The following MCTP2 variants were observed in gnomAD, a reference collection of about 807,000 sequenced individuals.
MCTP2 encodes the protein multiple C2 and transmembrane domain-containing protein 2.
MCTP2 carries 132 observed loss-of-function variants against 111.6 expected under a neutral mutation model. That is an observed-to-expected ratio of 1.18 (90% CI 1.03 to 1.37). The LOEUF (loss-of-function observed/expected upper bound fraction) is 1.37, where lower values mean the gene tolerates loss of function less well. Ranked by LOEUF, MCTP2 falls within the 40% of genes most tolerant of loss-of-function variation. MCTP2 has a pLI of 0.00. For synonymous variants in MCTP2, 395 were observed against 387.7 expected (o/e 1.02, Z -0.22); for missense variants, 1,183 against 1,067.9 (o/e 1.11, Z -1.50).
rs138053633 is a variant in MCTP2 at position 94,233,575 on chromosome 15, T to C, written c.-66+1911T>C. On this transcript the variant is annotated intron_variant, in intron 1 of 22. Coordinates refer to ENST00000357742, the MANE Select transcript of MCTP2 (RefSeq NM_001385001.1). ...CTCTTGTCACCTGGAAAGGACTTTG[T>C]GTTTGTGTAAACCTGTGCTCACACA... Among the ~76,000 whole-genome samples the C allele has an allele frequency of 1.6e-4, 25 of 152,292 alleles. No homozygotes were observed. In the East Asian group the frequency reaches 4.8e-3, roughly 29 times the overall value.
intron 2 of MCTP2, among the ~76,000 whole-genome samples, chr15:94,302,830 A>G (rs1047114520): frequency 7.9e-5 from 12 of 152,018 alleles, no homozygotes; most frequent in African/African-American, 2.4e-4. Flanking sequence ...TACCTATCAT[A>G]TTAGTCCATT....
intron 17 of MCTP2, among the ~76,000 whole-genome samples, chr15:94,429,004 C>G (rs1488391499): frequency 1.3e-5 from 2 of 152,198 alleles, no homozygotes; most frequent in East Asian, 1.9e-4. Context: ...CTCTTCTAGA[C>G]AATTTCATAA....
chr15:94,315,731 C>G (rs780700713), intron 4 of MCTP2, 94 bp downstream of exon 4: 11 of 902,048 alleles, frequency 1.2e-5, no homozygotes, highest in Non-Finnish European at 1.4e-5. Context: ...GACATCACAG[C>G]ATGGTTTAGG....
At chr15:94,257,030 C>T (rs1403210673) in intron 1 of MCTP2, among the ~76,000 whole-genome samples, 1 of 152,174 alleles carries the variant, frequency 6.6e-6, no homozygotes, top group Non-Finnish European at 1.5e-5. Flanking sequence ...TGCTGGCCCT[C>T]ATCCCTTCTC....
intron 17 of MCTP2, among the ~76,000 whole-genome samples, chr15:94,409,261 C>T (rs766090528): frequency 1.3e-5 from 2 of 152,122 alleles, no homozygotes; most frequent in Non-Finnish European, 2.9e-5. Flanking sequence ...CTGGTTGCCT[C>T]CTGCCCTTGA....
chr15:94,264,478 G>A (rs1385796010), intron 1 of MCTP2, among the ~76,000 whole-genome samples: 3 of 152,064 alleles, frequency 2.0e-5, no homozygotes, highest in South Asian at 2.1e-4. Flanking sequence ...GCATGGTGGC[G>A]GGCACCTGTA....
intron 19 of MCTP2, among the ~76,000 whole-genome samples, chr15:94,450,200 A>G (rs1187350002): frequency 2.0e-5 from 3 of 152,238 alleles, no homozygotes; most frequent in African/African-American, 7.2e-5. Context: ...TAGAAATGAT[A>G]TTGATTCAAA....
At chr15:94,242,216 A>G (rs559191609) in intron 1 of MCTP2, among the ~76,000 whole-genome samples, 31 of 152,256 alleles carry the variant, frequency 2.0e-4, no homozygotes, top group Admixed American at 5.9e-4. Flanking sequence ...CCCCAGCTCA[A>G]CTATCAGTTC....
chr15:94,303,846 C>A (rs2075761907), intron 2 of MCTP2, among the ~76,000 whole-genome samples: 1 of 152,136 alleles, frequency 6.6e-6, no homozygotes, highest in Non-Finnish European at 1.5e-5. Context: ...AATCAGCCTG[C>A]CTTCATTTTC....
chr15:94,301,415 C>T (rs187303331), intron 2 of MCTP2, among the ~76,000 whole-genome samples: 1 of 152,294 alleles, frequency 6.6e-6, no homozygotes, highest in East Asian at 1.9e-4. Flanking sequence ...AACCTGGAGT[C>T]TGATGTTTAA....
At chr15:94,465,495 A>G (rs965250571) in intron 20 of MCTP2, among the ~76,000 whole-genome samples, 1 of 152,202 alleles carries the variant, frequency 6.6e-6, no homozygotes, top group African/African-American at 2.4e-5. Context: ...CTTTTAAGAT[A>G]TCTTATTGTA....
At chr15:94,366,649 C>G (rs1431315032) in intron 10 of MCTP2, among the ~76,000 whole-genome samples, 1 of 152,118 alleles carries the variant, frequency 6.6e-6, no homozygotes, top group South Asian at 2.1e-4. Context: ...GTGCTTCCAT[C>G]CTTTTCTGAA....
At chr15:94,363,781 T>G (rs186388109) in intron 10 of MCTP2, among the ~76,000 whole-genome samples, 4 of 152,296 alleles carry the variant, frequency 2.6e-5, no homozygotes, top group African/African-American at 9.6e-5. Context: ...CCTGGTCACC[T>G]AAGGGCTCGG....
chr15:94,390,098 A>ATATATATGTG (rs1567603090), intron 14 of MCTP2, among the ~76,000 whole-genome samples: 2 of 34,422 alleles, frequency 5.8e-5, no homozygotes, highest in African/African-American at 2.6e-4. Context: ...ATGTATATAT[A>ATATATATGTG]TATATATATA....
intron 19 of MCTP2, among the ~76,000 whole-genome samples, chr15:94,443,742 C>A (rs1275392363): frequency 1.3e-5 from 2 of 151,936 alleles, no homozygotes; most frequent in African/African-American, 4.8e-5. Context: ...CCATTTGAAG[C>A]AAATGGGGTG....
chr15:94,454,847 G>C (rs905914431), intron 19 of MCTP2, among the ~76,000 whole-genome samples: 1 of 152,146 alleles, frequency 6.6e-6, no homozygotes, highest in Admixed American at 6.5e-5. Context: ...ATTAGGTGGA[G>C]TCTCGCTCTG....
chr15:94,302,805 T>G (rs1340318271), intron 2 of MCTP2, among the ~76,000 whole-genome samples: 1 of 152,202 alleles, frequency 6.6e-6, no homozygotes, highest in Non-Finnish European at 1.5e-5. Flanking sequence ...TCGTCTCACA[T>G]GTTTCCTCCT....
intron 13 of MCTP2, among the ~76,000 whole-genome samples, chr15:94,384,873 C>G (rs985187535): frequency 1.6e-4 from 25 of 152,270 alleles, no homozygotes; most frequent in South Asian, 4.1e-4. Flanking sequence ...TCTTGTTTCC[C>G]TAACACGTTG....
At chr15:94,245,234 A>G (rs571794234) in intron 1 of MCTP2, among the ~76,000 whole-genome samples, 6 of 140,188 alleles carry the variant, frequency 4.3e-5, no homozygotes, top group African/African-American at 1.6e-4. Context: ...ATACATATGT[A>G]TGTATATATA....
Sources: gnomAD v4.1 joint callset for allele counts (sites outside exome capture counted in the v4.1 genomes callset) on GRCh38, gnomAD v4.1.1 for gene constraint, MANE v1.5 for transcripts, NCBI Gene and HGNC (gene_info 2026-07-23, HGNC 2026-07-21) for gene names.